Variants in SMYD3 observed in about 807,000 individuals in gnomAD.
SMYD3 encodes histone-lysine N-methyltransferase SMYD3.
In SMYD3, 36 loss-of-function variants were observed where a neutral mutation model predicts 57.7. That is an observed-to-expected ratio of 0.62 (90% CI 0.48 to 0.82). The LOEUF (loss-of-function observed/expected upper bound fraction) is 0.82, where lower values mean the gene tolerates loss of function less well. Ranked by LOEUF, SMYD3 falls within the 40% of genes least tolerant of loss-of-function variation. SMYD3 has a pLI of 0.00. For synonymous variants in SMYD3, 211 were observed against 195.0 expected, an observed-to-expected ratio of 1.08 and a Z score of -0.68; for missense variants, 515 against 538.8, an observed-to-expected ratio of 0.96 and a Z score of 0.44.
chr1:245,989,164 T>C (rs2058764402), intron 5 of SMYD3, among the ~76,000 whole-genome samples: 1 of 152,024 alleles, frequency 6.6e-6, no homozygotes, highest in Non-Finnish European at 1.5e-5. Flanking sequence ...TTCACATTTA[T>C]AACACTTCTG....
chr1:246,503,599 T>A (rs1486175080), intron 1 of SMYD3, among the ~76,000 whole-genome samples: 5 of 152,314 alleles, frequency 3.3e-5, no homozygotes, highest in African/African-American at 1.2e-4. Context: ...ACATAACTCA[T>A]ACCCAATTGT....
intron 5 of SMYD3, among the ~76,000 whole-genome samples, chr1:246,238,947 G>A (rs1244908878): frequency 6.8e-6 from 1 of 147,620 alleles, no homozygotes; most frequent in African/African-American, 2.5e-5. Flanking sequence ...CAATTTACTG[G>A]AGAGACGAAC....
chr1:246,116,128 G>A (rs973336265), intron 5 of SMYD3, among the ~76,000 whole-genome samples: 7 of 149,818 alleles, frequency 4.7e-5, no homozygotes, highest in African/African-American at 1.5e-4. Flanking sequence ...CGACAAGGGC[G>A]AAACTCTGTC....
chr1:246,123,217 C>T (rs2061450346), intron 5 of SMYD3, among the ~76,000 whole-genome samples: 1 of 152,102 alleles, frequency 6.6e-6, no homozygotes, highest in Admixed American at 6.5e-5. Context: ...AAGAGAACTT[C>T]AAGGTGCAAG....
intron 5 of SMYD3, among the ~76,000 whole-genome samples, chr1:246,182,392 G>A (rs1205747817): frequency 6.6e-6 from 1 of 151,974 alleles, no homozygotes; most frequent in Non-Finnish European, 1.5e-5. Flanking sequence ...GTCACACATA[G>A]AACTGATCCA....
chr1:245,788,301 C>T (rs915454007), intron 10 of SMYD3, among the ~76,000 whole-genome samples: 2 of 152,102 alleles, frequency 1.3e-5, no homozygotes, highest in African/African-American at 2.4e-5. Context: ...GGGAACAGGG[C>T]GAGGAGAATG....
chr1:246,136,830 A>G (rs2061672698), intron 5 of SMYD3, among the ~76,000 whole-genome samples: 2 of 152,220 alleles, frequency 1.3e-5, no homozygotes, highest in Admixed American at 1.3e-4. Context: ...ATGAGTCTGA[A>G]TTCATCCAAA....
chr1:245,842,993 G>A (rs1292459038), intron 10 of SMYD3, among the ~76,000 whole-genome samples: 1 of 152,212 alleles, frequency 6.6e-6, no homozygotes, highest in Non-Finnish European at 1.5e-5. Flanking sequence ...TTACAGGTGT[G>A]AGCCACCACA....
intron 1 of SMYD3, among the ~76,000 whole-genome samples, chr1:246,418,245 C>T (rs998557532): frequency 5.9e-5 from 9 of 152,102 alleles, no homozygotes; most frequent in African/African-American, 1.9e-4. Context: ...ACGGATAAAC[C>T]GACAAATATT....
intron 5 of SMYD3, among the ~76,000 whole-genome samples, chr1:246,231,027 C>A (rs1176251430): frequency 6.6e-6 from 1 of 152,160 alleles, no homozygotes; most frequent in Non-Finnish European, 1.5e-5. Flanking sequence ...TGAATACTTC[C>A]ATATGAGTCT....
intron 5 of SMYD3, among the ~76,000 whole-genome samples, chr1:246,183,102 T>C (rs1409397874): frequency 6.6e-6 from 1 of 152,164 alleles, no homozygotes; most frequent in Non-Finnish European, 1.5e-5. Flanking sequence ...CATGTTGCTT[T>C]TGGAAAGCTA....
At chr1:246,209,204 G>A (rs1303349343) in intron 5 of SMYD3, among the ~76,000 whole-genome samples, 3 of 152,104 alleles carry the variant, frequency 2.0e-5, no homozygotes, top group African/African-American at 7.2e-5. Flanking sequence ...TTCCAGTGAG[G>A]GACCAAGAAC....
chr1:245,790,722 T>G (rs1361265607), intron 10 of SMYD3, among the ~76,000 whole-genome samples: 1 of 152,228 alleles, frequency 6.6e-6, no homozygotes, highest in Non-Finnish European at 1.5e-5. Flanking sequence ...CTGAACCATT[T>G]GCATGGACAC....
At chr1:246,481,638 A>ACACACG (rs2068107993) in intron 1 of SMYD3, among the ~76,000 whole-genome samples, 1 of 133,536 alleles carries the variant, frequency 7.5e-6, no homozygotes, top group African/African-American at 2.8e-5. Flanking sequence ...ATACATACAC[A>ACACACG]TATTCATATA....
chr1:245,925,730 A>C (rs1439179970), intron 7 of SMYD3, among the ~76,000 whole-genome samples: 1 of 152,248 alleles, frequency 6.6e-6, no homozygotes, highest in African/African-American at 2.4e-5. Flanking sequence ...CTAAGTGCTA[A>C]GAGATACAGA....
chr1:246,352,136 C>CAAAAAAAA (rs10581690), intron 2 of SMYD3, among the ~76,000 whole-genome samples: 124 of 60,472 alleles, frequency 2.1e-3, no homozygotes, highest in Non-Finnish European at 3.0e-3. Context: ...GACTCTGTCT[C>CAAAAAAAA]AAAAAAAAAA....
intron 10 of SMYD3, among the ~76,000 whole-genome samples, chr1:245,857,729 C>T (rs1017429694): frequency 4.6e-5 from 7 of 152,262 alleles, no homozygotes; most frequent in Non-Finnish European, 8.8e-5. Flanking sequence ...GTCTCCGTGC[C>T]CTTCCCCTTG....
intron 1 of SMYD3, among the ~76,000 whole-genome samples, chr1:246,368,971 A>G (rs2066150332): frequency 6.6e-6 from 1 of 152,232 alleles, no homozygotes; most frequent in Non-Finnish European, 1.5e-5. Flanking sequence ...ATAGAAAGAT[A>G]GATAGATATT....
intron 5 of SMYD3, among the ~76,000 whole-genome samples, chr1:246,040,088 C>A (rs1030760458): frequency 6.6e-6 from 1 of 152,314 alleles, no homozygotes; most frequent in South Asian, 2.1e-4. Context: ...ATTCAGTCAA[C>A]CTTACAAGAT....
Sources: allele counts gnomAD v4.1 joint callset (sites outside exome capture counted in the v4.1 genomes callset), GRCh38; gene constraint gnomAD v4.1.1; transcripts MANE v1.5; gene names NCBI Gene and HGNC (gene_info 2026-07-23, HGNC 2026-07-21).